Variants in KCTD8 observed in about 807,000 individuals in gnomAD.
KCTD8 encodes BTB/POZ domain-containing protein KCTD8.
KCTD8 carries 27 observed loss-of-function variants against 31.5 expected under a neutral mutation model. The ratio of observed to expected loss-of-function variants is 0.86; its 90% CI spans 0.63 to 1.18. The LOEUF (loss-of-function observed/expected upper bound fraction) is 1.18. Among genes scored for constraint, KCTD8 ranks in the 50% most tolerant of loss-of-function variants. The probability of loss-of-function intolerance (pLI) is 0.00; values close to 1 mark genes in which losing one functional copy is unlikely to be tolerated. For synonymous variants in KCTD8, 290 were observed against 280.0 expected, an observed-to-expected ratio of 1.04 and a Z score of -0.36; for missense variants, 658 against 647.7, an observed-to-expected ratio of 1.02 and a Z score of -0.17.
intron 1 of KCTD8, among the ~76,000 whole-genome samples, chr4:44,285,009 T>A (rs908120704): frequency 6.6e-6 from 1 of 152,150 alleles, no homozygotes; most frequent in Non-Finnish European, 1.5e-5. Flanking sequence ...TAGGAAAGCT[T>A]TTACACTGTT....
At chr4:44,254,073 A>T (rs958392664) in intron 1 of KCTD8, among the ~76,000 whole-genome samples, 1 of 151,900 alleles carries the variant, frequency 6.6e-6, no homozygotes, top group Non-Finnish European at 1.5e-5. Context: ...AAAATAGAAG[A>T]TATATTTATT....
intron 1 of KCTD8, among the ~76,000 whole-genome samples, chr4:44,279,033 T>C (rs1471399463): frequency 6.6e-6 from 1 of 152,074 alleles, no homozygotes; most frequent in Admixed American, 6.6e-5. Context: ...TAATTCTGGA[T>C]CTTAGTTCCC....
At chr4:44,288,600 T>C (rs1387440160) in intron 1 of KCTD8, among the ~76,000 whole-genome samples, 1 of 152,120 alleles carries the variant, frequency 6.6e-6, no homozygotes, top group African/African-American at 2.4e-5. Flanking sequence ...CTATTCTGTA[T>C]GACAGTTATT....
chr4:44,319,437 T>C (rs1718230422), intron 1 of KCTD8, among the ~76,000 whole-genome samples: 1 of 150,928 alleles, frequency 6.6e-6, no homozygotes, highest in African/African-American at 2.4e-5. Flanking sequence ...AAGTAGAGGA[T>C]TTAGGGACTG....
At chr4:44,411,522 T>C (rs547700702) in intron 1 of KCTD8, among the ~76,000 whole-genome samples, 1 of 152,188 alleles carries the variant, frequency 6.6e-6, no homozygotes, top group African/African-American at 2.4e-5. Flanking sequence ...AATGAATGTA[T>C]GTTTTTTATG....
intron 1 of KCTD8, among the ~76,000 whole-genome samples, chr4:44,378,193 A>T (rs1021241470): frequency 6.8e-6 from 1 of 147,462 alleles, no homozygotes; most frequent in East Asian, 2.0e-4. Flanking sequence ...TGAAATAAAA[A>T]ATACATACAT....
chr4:44,178,946 G>A (rs763942583), intron 1 of KCTD8, among the ~76,000 whole-genome samples: 3 of 152,172 alleles, frequency 2.0e-5, no homozygotes, highest in Non-Finnish European at 2.9e-5. Context: ...CATAGTGCTA[G>A]GTTCTGGAGG....
chr4:44,324,674 T>G (rs1718396844), intron 1 of KCTD8, among the ~76,000 whole-genome samples: 1 of 152,066 alleles, frequency 6.6e-6, no homozygotes, highest in South Asian at 2.1e-4. Flanking sequence ...GATGAATTTT[T>G]CCTTATAGTA....
At chr4:44,444,290 C>T (rs2109486609) in intron 1 of KCTD8, among the ~76,000 whole-genome samples, 1 of 152,112 alleles carries the variant, frequency 6.6e-6, no homozygotes, top group East Asian at 1.9e-4. Flanking sequence ...CTGTTGGAGT[C>T]AATCCAGAAA....
intron 1 of KCTD8, among the ~76,000 whole-genome samples, chr4:44,303,478 T>G (rs1231422906): frequency 6.6e-6 from 1 of 152,108 alleles, no homozygotes; most frequent in African/African-American, 2.4e-5. Context: ...ATTTATCCAT[T>G]TCTTCTAGAT....
chr4:44,352,007 G>A (rs1285114041), intron 1 of KCTD8, among the ~76,000 whole-genome samples: 1 of 151,846 alleles, frequency 6.6e-6, no homozygotes, highest in Non-Finnish European at 1.5e-5. Context: ...TATTTGACAG[G>A]AAGAAAATGA....
intron 1 of KCTD8, among the ~76,000 whole-genome samples, chr4:44,350,101 T>G (rs1719159047): frequency 1.3e-5 from 2 of 152,170 alleles, no homozygotes. Context: ...GGGCAAAAAA[T>G]ACTTAACACA....
chr4:44,334,889 C>A (rs114343834), intron 1 of KCTD8, among the ~76,000 whole-genome samples: 1 of 152,088 alleles, frequency 6.6e-6, no homozygotes, highest in Non-Finnish European at 1.5e-5. Context: ...TACAGATTAT[C>A]TGGAATGCAT....
chr4:44,399,219 A>G (rs1476737740), intron 1 of KCTD8, among the ~76,000 whole-genome samples: 1 of 152,112 alleles, frequency 6.6e-6, no homozygotes, highest in African/African-American at 2.4e-5. Context: ...GGCGAGAACA[A>G]TTTCAATCAA....
intron 1 of KCTD8, among the ~76,000 whole-genome samples, chr4:44,266,326 T>C (rs1490873978): frequency 8.6e-5 from 13 of 151,906 alleles, no homozygotes; most frequent in Non-Finnish European, 1.5e-5. Context: ...TAAAATACTT[T>C]ACAGACAAGC....
chr4:44,378,238 A>AATATATATATATATAT (rs34144469), intron 1 of KCTD8, among the ~76,000 whole-genome samples: 4 of 143,762 alleles, frequency 2.8e-5, no homozygotes, highest in Non-Finnish European at 4.5e-5. Context: ...TATATGTATA[A>AATATATATATATATAT]ATATATATAT....
chr4:44,375,343 T>C (rs1719892109), intron 1 of KCTD8, among the ~76,000 whole-genome samples: 1 of 151,974 alleles, frequency 6.6e-6, no homozygotes, highest in Non-Finnish European at 1.5e-5. Flanking sequence ...GAAATCAAGG[T>C]AGCCTAGGAA....
At position 44,175,109 on chromosome 4, in the gene KCTD8, G is replaced by A; in HGVS notation, c.1103C>T (p.Thr368Ile). The A allele has an allele frequency of 6.2e-7, 1 of 1,614,008 alleles. No homozygotes were observed. The highest frequency in any genetic ancestry group is 8.5e-7 in the Non-Finnish European group (1 of 1,179,974). Residue 368 changes from threonine to isoleucine, a missense_variant, in exon 2 of 2, where the codon ACT becomes ATT. Thr to Ile is a moderately conservative substitution (Grantham distance 89). Transcript: ENST00000360029. ...GGCACTGGATGGGTTGTCCTGGGGA[G>A]TGCTTGCCTCTGAATGGCTGTCACA... ...SSCDSHSEAS[T>I]PQDNPSSAQQ...
intron 1 of KCTD8, among the ~76,000 whole-genome samples, chr4:44,369,567 A>G (rs953937003): frequency 1.3e-5 from 2 of 152,174 alleles, no homozygotes; most frequent in African/African-American, 4.8e-5. Flanking sequence ...GCACTTTGGG[A>G]GGCCAAGGTG....
Sources: allele counts gnomAD v4.1 joint callset (sites outside exome capture counted in the v4.1 genomes callset), GRCh38; gene constraint gnomAD v4.1.1; transcripts MANE v1.5; gene names NCBI Gene and HGNC (gene_info 2026-07-23, HGNC 2026-07-21).